Variants in TRIM9 observed in about 807,000 individuals in gnomAD.
TRIM9 encodes E3 ubiquitin-protein ligase TRIM9.
A neutral mutation model predicts 78.3 loss-of-function variants in TRIM9; 26 were observed. The observed-to-expected ratio is 0.33, with a 90% CI of 0.24 to 0.46. TRIM9 has a LOEUF of 0.46. Among genes scored for constraint, TRIM9 ranks in the 20% least tolerant of loss-of-function variants. The pLI is 1.00. For synonymous variants in TRIM9, 398 were observed against 416.5 expected, an observed-to-expected ratio of 0.96 and a Z score of 0.54; for missense variants, 787 against 1,036.4, an observed-to-expected ratio of 0.76 and a Z score of 3.30.
At chr14:51,073,894 T>C (rs2140253776) in intron 1 of TRIM9, among the ~76,000 whole-genome samples, 1 of 152,326 alleles carries the variant, frequency 6.6e-6, no homozygotes, top group South Asian at 2.1e-4. Context: ...CCATAGGATA[T>C]ACAGCCAAAG....
intron 8 of TRIM9, among the ~76,000 whole-genome samples, chr14:50,984,231 G>A (rs1232342964): frequency 3.9e-5 from 6 of 152,152 alleles, no homozygotes; most frequent in African/African-American, 1.4e-4. Context: ...AACACTGGGG[G>A]ATAAAGAAAG....
At chr14:51,023,053 A>C in intron 2 of TRIM9, 96 bp from the exon 3 acceptor site, 1 of 1,512,744 alleles carries the variant, frequency 6.6e-7, no homozygotes, top group African/African-American at 1.4e-5. Context: ...GGGAATGAAA[A>C]GGAACTCTGT....
chr14:50,981,570 T>C (rs894521189), intron 11 of TRIM9, among the ~76,000 whole-genome samples: 4 of 152,196 alleles, frequency 2.6e-5, no homozygotes. Flanking sequence ...CAGCCATGGG[T>C]GAAATACAGC....
At chr14:51,085,489 G>C (rs910469661) in intron 1 of TRIM9, among the ~76,000 whole-genome samples, 1 of 152,098 alleles carries the variant, frequency 6.6e-6, no homozygotes, top group East Asian at 1.9e-4. Flanking sequence ...TATCCTCCTC[G>C]GTTCACATAT....
intron 1 of TRIM9, among the ~76,000 whole-genome samples, chr14:51,065,594 G>A (rs1391003321): frequency 1.3e-5 from 2 of 152,194 alleles, no homozygotes; most frequent in Admixed American, 1.3e-4. Flanking sequence ...TTTGACAAGT[G>A]TAGACAGTGT....
chr14:50,995,204 T>C (rs2054045600), intron 7 of TRIM9, among the ~76,000 whole-genome samples: 1 of 152,202 alleles, frequency 6.6e-6, no homozygotes, highest in South Asian at 2.1e-4. Context: ...TGAATTTAAT[T>C]AATTTTTATT....
At chr14:50,995,561 A>G (rs886513172) in intron 7 of TRIM9, among the ~76,000 whole-genome samples, 2 of 152,258 alleles carry the variant, frequency 1.3e-5, no homozygotes, top group Non-Finnish European at 2.9e-5. Flanking sequence ...GAAAGCTCAC[A>G]GAGTACAAAA....
intron 3 of TRIM9, among the ~76,000 whole-genome samples, chr14:51,022,268 T>C (rs1014654800): frequency 2.6e-5 from 4 of 151,694 alleles, no homozygotes; most frequent in African/African-American, 7.3e-5. Context: ...ATCTTGGGAG[T>C]GGGTTAATTA....
chr14:50,985,362 G>A (rs1596098312), intron 8 of TRIM9, among the ~76,000 whole-genome samples: 2 of 152,208 alleles, frequency 1.3e-5, no homozygotes, highest in East Asian at 3.9e-4. Flanking sequence ...ACTCAGCCAT[G>A]AGCCCCACTG....
At chr14:51,088,580 ACCTC>A (rs2063997837) in intron 1 of TRIM9, among the ~76,000 whole-genome samples, 1 of 151,812 alleles carries the variant, frequency 6.6e-6, no homozygotes, top group African/African-American at 2.4e-5. Context: ...CGATTTCAGG[ACCTC>A]CCTGTCTGGC....
At chr14:50,997,735 T>G in intron 7 of TRIM9, 2 of 1,269,658 alleles carry the variant, frequency 1.6e-6, no homozygotes, top group East Asian at 3.3e-5. Context: ...CCTAGATACA[T>G]TTGTCTTACA....
At chr14:51,038,158 A>T (rs1448632818) in intron 1 of TRIM9, among the ~76,000 whole-genome samples, 1 of 152,214 alleles carries the variant, frequency 6.6e-6, no homozygotes, top group Non-Finnish European at 1.5e-5. Flanking sequence ...TAATGACATG[A>T]GTCCTTAAAA....
rs1222472370 is a variant in TRIM9 at position 50,986,152 on chromosome 14, T to C, written c.1604-8A>G. The C allele has an allele frequency of 4.7e-6, 7 of 1,501,722 alleles. No homozygotes were observed. The South Asian group carries it at 9.3e-5, about 20-fold the overall frequency. 93.0% of individuals were successfully genotyped at this position (1,501,722 alleles called of 1,614,324 possible). On this transcript the variant is annotated splice_polypyrimidine_tract_variant and splice_region_variant and intron_variant, in intron 7 of 12. Coordinates refer to ENST00000684578, the MANE Select transcript of TRIM9 (RefSeq NM_001387360.1). Reference sequence around the variant, plus strand: ...GTTCTTCTGAATCTGTGTCTAAATGTAAGATCAATGCAAACTAGAGATCAG... The same window carrying C: ...GTTCTTCTGAATCTGTGTCTAAATGCAAGATCAATGCAAACTAGAGATCAG...
chr14:51,039,337 G>A (rs1007848011), intron 1 of TRIM9, among the ~76,000 whole-genome samples: 2 of 152,160 alleles, frequency 1.3e-5, no homozygotes, highest in African/African-American at 4.8e-5. Flanking sequence ...ACTTGCATAC[G>A]ATGTTCATAA....
intron 7 of TRIM9, among the ~76,000 whole-genome samples, chr14:50,995,003 A>G (rs530581543): frequency 6.6e-6 from 1 of 152,048 alleles, no homozygotes; most frequent in East Asian, 1.9e-4. Context: ...ATAATAATGC[A>G]TTCTCCTTTC....
At chr14:51,049,652 G>C (rs11844527) in intron 1 of TRIM9, among the ~76,000 whole-genome samples, 29,792 of 151,650 alleles carry the variant, frequency 0.2, 3,301 homozygotes, top group Non-Finnish European at 0.25. Flanking sequence ...ATGGTGAAAC[G>C]CCATCTCTAC....
intron 7 of TRIM9, among the ~76,000 whole-genome samples, chr14:50,988,020 T>G (rs2052953245): frequency 6.6e-6 from 1 of 152,102 alleles, no homozygotes; most frequent in African/African-American, 2.4e-5. Context: ...AGGCTGGTCT[T>G]GAACTCCTGA....
At chr14:51,011,011 T>A (rs1452122866) in intron 3 of TRIM9, among the ~76,000 whole-genome samples, 1 of 152,178 alleles carries the variant, frequency 6.6e-6, no homozygotes, top group Non-Finnish European at 1.5e-5. Flanking sequence ...TTGTTCTGCA[T>A]CTTTTTCCTT....
At chr14:51,025,217 T>C (rs1368202889) in intron 2 of TRIM9, 48 bp downstream of exon 2, 8 of 1,503,178 alleles carry the variant, frequency 5.3e-6, no homozygotes, top group Middle Eastern at 3.5e-4. Flanking sequence ...CGCCACACAG[T>C]TACGTATTAA....
Sources: allele counts gnomAD v4.1 joint callset (sites outside exome capture counted in the v4.1 genomes callset), GRCh38; gene constraint gnomAD v4.1.1; transcripts MANE v1.5; gene names NCBI Gene and HGNC (gene_info 2026-07-23, HGNC 2026-07-21).